Variants in RSAD1 observed in about 807,000 individuals in gnomAD.
RSAD1 encodes radical S-adenosyl methionine domain-containing protein 1, mitochondrial.
In RSAD1, 34 loss-of-function variants were observed where a neutral mutation model predicts 46.2. The ratio of observed to expected loss-of-function variants is 0.74; its 90% CI spans 0.56 to 0.98. RSAD1 has a LOEUF of 0.98. Among genes scored for constraint, RSAD1 ranks in the 50% least tolerant of loss-of-function variants. RSAD1 has a pLI of 0.00. For synonymous variants in RSAD1, 260 were observed against 253.5 expected, an observed-to-expected ratio of 1.03 and a Z score of -0.24; for missense variants, 635 against 592.3, an observed-to-expected ratio of 1.07 and a Z score of -0.75.
Position 50,483,112 on chromosome 17 carries a change from A to G in RSAD1, c.905-228A>G, listed in dbSNP as rs545699154. ...TGAGCTACTTGGGAAGCTGAGGTGG[A>G]AAGATCGTTTGACCCCAGGCGTCCA... On this transcript the variant is annotated intron_variant, in intron 5 of 8. Coordinates refer to ENST00000258955, the MANE Select transcript of RSAD1 (RefSeq NM_018346.3). 1.7e-3 allele frequency among the ~76,000 whole-genome samples: 249 copies of G among 143,994 alleles called. 1 individual carries two copies. The highest frequency in any genetic ancestry group is 5.8e-3 in the African/African-American group (223 of 38,326). The allele number at this position is 143,994 out of a possible 152,430, so 94.5% of individuals were successfully genotyped here. A position where few individuals can be genotyped will look rare whatever the true frequency, so the allele number is the denominator to read the frequency against.
At chr17:50,481,949 G>A in intron 3 of RSAD1, 142 bp from the exon 4 acceptor site, 1 of 963,536 alleles carries the variant, frequency 1.0e-6, no homozygotes, top group East Asian at 2.8e-5. Context: ...GCAGCTCTTG[G>A]TGCCAGCTTG....
Position 50,479,750 on chromosome 17 carries a change from G to A in RSAD1, c.257G>A (p.Ser86Asn), listed in dbSNP as rs761447329. Reference sequence around the variant, plus strand: ...GAAGCTCAGACGCTGCTGCGGCTCAGCGGGGTGCAACGGTGGGTAGTGGGG... The same window carrying A: ...GAAGCTCAGACGCTGCTGCGGCTCAACGGGGTGCAACGGTGGGTAGTGGGG... ...VTEAQTLLRL[S>N]GVQRVESVFF... Residue 86 changes from serine (S) to asparagine (N), a missense_variant, in exon 2 of 9, where the codon AGC (serine) becomes AAC (asparagine). Transcript: ENST00000258955. The A allele has an allele frequency of 1.9e-6, 3 of 1,610,330 alleles. No individual in the cohort carries two copies. Among genetic ancestry groups the A allele is most frequent in the Non-Finnish European group, 2.5e-6 (3 of 1,178,070 alleles).
intron 4 of RSAD1, 53 bp from the exon 5 acceptor site, chr17:50,482,590 C>CT: frequency 6.2e-7 from 1 of 1,613,414 alleles, no homozygotes. Context: ...TTACCTGAGT[C>CT]TAAAAATGAG....
At chr17:50,480,123 C>T in intron 3 of RSAD1, 39 bp downstream of exon 3, 3 of 1,588,132 alleles carry the variant, frequency 1.9e-6, no homozygotes, top group Non-Finnish European at 2.6e-6. Context: ...TGCACCCCGC[C>T]CTTCAGTGCC....
Position 50,479,771 on chromosome 17 carries a change from T to TG in RSAD1, c.269+14dup. ...CTCAGCGGGGTGCAACGGTGGGTAG[T>TG]GGGGGCTGTAGGCAGCGTTTTGGGA... On this transcript the variant is annotated intron_variant, in intron 2 of 8. Coordinates refer to ENST00000258955, the MANE Select transcript of RSAD1 (RefSeq NM_018346.3). The TG allele has an allele frequency of 6.2e-7, 1 of 1,604,110 alleles. No homozygotes were observed. Among genetic ancestry groups the TG allele is most frequent in the Non-Finnish European group, 8.5e-7 (1 of 1,174,524 alleles).
chr17:50,482,394 G>A lies in RSAD1; in HGVS notation c.778G>A (p.Gly260Ser). Reference sequence around the variant, plus strand: ...GCTCGCAGCTGAGATGTACCAGAGGGGCCGGGCTGTCCTTCGGGAGGCTGG... The same window carrying A: ...GCTCGCAGCTGAGATGTACCAGAGGAGCCGGGCTGTCCTTCGGGAGGCTGG... ...PELAAEMYQR[G>S]RAVLREAGFH... is the part of the protein sequence containing the mutation. Residue 260 changes from glycine to serine, a missense_variant, in exon 4 of 9, where the codon GGC (glycine) becomes AGC (serine). Physicochemically the swap from Gly to Ser is moderately conservative, Grantham distance 56. Coordinates refer to ENST00000258955, the MANE Select transcript of RSAD1 (RefSeq NM_018346.3). The A allele has an allele frequency of 6.3e-7, 1 of 1,599,758 alleles. No individual in the cohort carries two copies. The highest frequency in any genetic ancestry group is 8.5e-7 in the Non-Finnish European group (1 of 1,174,094).
rs1292299158 is a variant in RSAD1, at chr17:50,481,974, G to C, written c.475-117G>C. On this transcript the variant is annotated intron_variant, in intron 3 of 8. Transcript: ENST00000258955. ...GTGCCAGCTTGACCTTCCCCCTCCT[G>C]CCTTCCAGCTGCCTGCCACGTGCTG... 3 of 1,265,804 alleles carry C rather than the reference G, an allele frequency of 2.4e-6. No homozygotes were observed. The Admixed American group carries it at 8.3e-5, about 35-fold the overall frequency. 78.4% of individuals were successfully genotyped at this position (1,265,804 alleles called of 1,614,324 possible).
Position 50,484,841 on chromosome 17 carries a change from T to G in RSAD1, c.1309T>G (p.Ser437Ala). Residue 437 changes from serine to alanine, a missense_variant, in exon 9 of 9, where the codon TCC (serine) becomes GCC (alanine). Physicochemically the swap from Ser to Ala is moderately conservative, Grantham distance 99 (BLOSUM62 1). Transcript: ENST00000258955. ...AGAAGCCTGGCAGCAGAGAACCCCC[T>G]CCCCTGTGCCAGGAGGATGACAAAA... ...LQEAWQQRTPSPVPGG is the reference protein window; with the variant it reads ...LQEAWQQRTPAPVPGG 2 of 1,613,932 alleles carry G rather than the reference T, an allele frequency of 1.2e-6. No homozygotes were observed. Among genetic ancestry groups the G allele is most frequent in the Non-Finnish European group, 1.7e-6 (2 of 1,179,934 alleles).
intron 1 of RSAD1, 95 bp downstream of exon 1, chr17:50,479,114 T>G: frequency 8.2e-7 from 1 of 1,219,748 alleles, no homozygotes; most frequent in East Asian, 3.2e-5. Flanking sequence ...TGTCACTCTA[T>G]GAACCCGCCT....
chr17:50,484,312 G>C (rs951107463), intron 7 of RSAD1, 130 bp from the exon 8 acceptor site: 3 of 741,866 alleles, frequency 4.0e-6, no homozygotes, highest in African/African-American at 3.5e-5. Context: ...GCCTGGTTCT[G>C]CTTTCATGCA....
intron 3 of RSAD1, among the ~76,000 whole-genome samples, chr17:50,481,857 T>C (rs947599012): frequency 1.3e-5 from 2 of 152,164 alleles, no homozygotes; most frequent in African/African-American, 4.8e-5. Flanking sequence ...ATCTGTAAAA[T>C]AGAACTAATA....
Position 50,482,607 on chromosome 17 carries a change from C to T in RSAD1, c.841-36C>T, listed in dbSNP as rs750638184. The T allele has an allele frequency of 3.1e-6, 5 of 1,613,680 alleles. No homozygotes were observed. The Middle Eastern group carries it at 6.6e-4, about 213-fold the overall frequency. ...ACCTGAGTCTAAAAATGAGGCCTGCCCTCTTCACTCTGCACTATTTCCTCC... is the reference window on the plus strand; with the variant it reads ...ACCTGAGTCTAAAAATGAGGCCTGCTCTCTTCACTCTGCACTATTTCCTCC... On this transcript the variant is annotated intron_variant, in intron 4 of 8. Coordinates refer to ENST00000258955, the MANE Select transcript of RSAD1 (RefSeq NM_018346.3).
rs760286283 is a variant in RSAD1 at position 50,482,236 on chromosome 17, C to G, written c.620C>G (p.Pro207Arg). The G allele has an allele frequency of 6.4e-6, 10 of 1,570,122 alleles. No individual in the cohort carries two copies. Among genetic ancestry groups the G allele is most frequent in the Non-Finnish European group, 7.8e-6 (9 of 1,154,074 alleles). ...MLGLPAQQVG[P>R]WLGQLQELLH... is the part of the protein sequence containing the mutation. ...GGGCTGCCGGCACAGCAGGTGGGGC[C>G]GTGGCTTGGGCAGCTGCAGGAACTG... The change falls in exon 4 of 9, where the codon CCG becomes CGG. Residue 207 changes from proline to arginine, a missense_variant. By Grantham distance (103) the Pro-to-Arg change is moderately radical (BLOSUM62 -2). Transcript: ENST00000258955.
chr17:50,484,545 G>A lies in RSAD1; in HGVS notation c.1211G>A (p.Arg404Lys), dbSNP rs367813709. 4 of 1,612,892 alleles carry A rather than the reference G, an allele frequency of 2.5e-6. No individual in the cohort carries two copies. Among genetic ancestry groups the A allele is most frequent in the Non-Finnish European group, 3.4e-6 (4 of 1,179,872 alleles). Residue 404 changes from arginine (R) to lysine (K), a missense_variant and splice_region_variant, in exon 8 of 9, where the codon AGG becomes AAG. Arg to Lys is a conservative substitution (Grantham distance 26). Coordinates refer to ENST00000258955, the MANE Select transcript of RSAD1 (RefSeq NM_018346.3). ...CGGGGCCTACTGCAGCTGGATCACA[G>A]GTGTGTTGGGGGGTGCCGGGCAGAG... is the stretch of plus-strand genomic sequence containing the variant. ...LERGLLQLDH[R>K]GLRCSWEGLA...
At position 50,480,457 on chromosome 17, in the gene RSAD1, A is replaced by G. The variant is rs1463264954; in HGVS notation, c.474+373A>G. 1.6e-5 allele frequency: 4 copies of G among 243,488 alleles called. No individual in the cohort carries two copies. In the East Asian group the frequency reaches 3.0e-4, roughly 18 times the overall value. 15.1% of individuals were successfully genotyped at this position (243,488 alleles called of 1,614,324 possible). A position where few individuals can be genotyped will look rare whatever the true frequency, so the allele number is the denominator to read the frequency against. On this transcript the variant is annotated intron_variant, in intron 3 of 8. Transcript: ENST00000258955. ...AAAAGGCTTCTAGAGTACAGCCTGA[A>G]GGGAGGTCACTCTGATGAAATCACT...
At position 50,484,470 on chromosome 17, in the gene RSAD1, C is replaced by A. The variant is rs776991497; in HGVS notation, c.1136C>A (p.Thr379Asn). ...TGGCAGCAGTTTGAGCCCCAGCTGA[C>A]CCTGTGGGATGTGTTTGGAGCGAAC... ...QHWQQFEPQLTLWDVFGANKE... is the reference protein window; with the variant it reads ...QHWQQFEPQLNLWDVFGANKE... The change falls in exon 8 of 9, where the codon ACC becomes AAC. Residue 379 changes from threonine to asparagine, a missense_variant. Coordinates refer to ENST00000258955, the MANE Select transcript of RSAD1 (RefSeq NM_018346.3). 2 of 1,613,632 alleles carry A rather than the reference C, an allele frequency of 1.2e-6. No individual in the cohort carries two copies. Among genetic ancestry groups the A allele is most frequent in the East Asian group, 2.2e-5 (1 of 44,890 alleles).
At chr17:50,482,922 C>G (rs961415216) in intron 5 of RSAD1, among the ~76,000 whole-genome samples, 2 of 151,896 alleles carry the variant, frequency 1.3e-5, no homozygotes, top group Admixed American at 6.6e-5. Context: ...ATGAGAATCT[C>G]CTGGAGGGCT....
intron 6 of RSAD1, 85 bp downstream of exon 6, chr17:50,483,572 T>C (rs960704531): frequency 1.3e-6 from 2 of 1,590,508 alleles, no homozygotes; most frequent in Non-Finnish European, 1.7e-6. Context: ...ATTTCCTGTC[T>C]TGTCCTGGCC....
chr17:50,483,888 C>G, intron 7 of RSAD1, 128 bp downstream of exon 7: 1 of 889,902 alleles, frequency 1.1e-6, no homozygotes, highest in Non-Finnish European at 1.7e-6. Context: ...GAAGTGGGGC[C>G]CAGGTCCAGC....
Sources: gnomAD v4.1 joint callset for allele counts (sites outside exome capture counted in the v4.1 genomes callset) on GRCh38, gnomAD v4.1.1 for gene constraint, MANE v1.5 for transcripts, NCBI Gene and HGNC (gene_info 2026-07-23, HGNC 2026-07-21) for gene names.